The following PPP1R14C variants were observed in gnomAD, a reference collection of about 807,000 sequenced individuals.
PPP1R14C encodes the protein protein phosphatase 1 regulatory subunit 14C.
In PPP1R14C, 16 loss-of-function variants were observed where a neutral mutation model predicts 20.4. The observed-to-expected ratio is 0.78, with a 90% confidence interval of 0.53 to 1.19. The LOEUF is 1.19. Ranked by LOEUF, PPP1R14C falls within the 50% of genes most tolerant of loss-of-function variation. The pLI, the probability that PPP1R14C is intolerant of heterozygous loss-of-function variation, is 0.00. For missense variants in PPP1R14C, 211 were observed against 220.1 expected (o/e 0.96, Z 0.26); for synonymous variants, 91 against 91.0 (o/e 1.00, Z 0.00).
intron 1 of PPP1R14C, among the ~76,000 whole-genome samples, chr6:150,167,690 T>C (rs1005642109): frequency 1.3e-5 from 2 of 152,106 alleles, no homozygotes; most frequent in African/African-American, 4.8e-5. Flanking sequence ...TCTTATATAC[T>C]GTATAAGGCA....
At chr6:150,247,043 T>A (rs910491305) in intron 3 of PPP1R14C, among the ~76,000 whole-genome samples, 4 of 152,186 alleles carry the variant, frequency 2.6e-5, no homozygotes, top group Non-Finnish European at 4.4e-5. Context: ...CATATTACTT[T>A]TATAATAGGG....
At chr6:150,184,800 G>A (rs928236945) in intron 1 of PPP1R14C, among the ~76,000 whole-genome samples, 1 of 152,184 alleles carries the variant, frequency 6.6e-6, no homozygotes. Context: ...CTTACACAGG[G>A]CTGGTGCCCA....
chr6:150,173,545 G>A (rs1433180688), intron 1 of PPP1R14C, among the ~76,000 whole-genome samples: 1 of 152,094 alleles, frequency 6.6e-6, no homozygotes, highest in Non-Finnish European at 1.5e-5. Context: ...GCCCTCCTTT[G>A]TAACTTTCCA....
chr6:150,218,025 G>A (rs1286767969), intron 3 of PPP1R14C, among the ~76,000 whole-genome samples: 1 of 152,048 alleles, frequency 6.6e-6, no homozygotes, highest in East Asian at 1.9e-4. Flanking sequence ...AGGCTTGGTG[G>A]CCCACACCTG....
rs143637821 is a variant in PPP1R14C, at chr6:150,205,169, C to G, written c.307-9575C>G. ...TTCCCTGGTGGGTGGGAAAGAGAAA[C>G]CTGCCTGGTGGGTGGGTTCAGGACC... is the stretch of plus-strand genomic sequence containing the variant. On this transcript the variant is annotated intron_variant, in intron 1 of 3. Transcript: ENST00000361131. 2.0e-3 allele frequency among the ~76,000 whole-genome samples: 301 copies of G among 152,138 alleles called. 3 individuals carry two copies. Among genetic ancestry groups the G allele is most frequent in the African/African-American group, 6.6e-3 (276 of 41,512 alleles).
At position 150,159,186 on chromosome 6, in the gene PPP1R14C, A is replaced by G. The variant is rs111442337; in HGVS notation, c.306+15688A>G. The stretch of plus-strand genomic sequence containing the variant: ...TATCATCAGCCATTCCTTTGTTTCA[A>G]GAGTCATGGACCGTATACTGAAGAT... On this transcript the variant is annotated intron_variant, in intron 1 of 3. Coordinates refer to ENST00000361131, the MANE Select transcript of PPP1R14C (RefSeq NM_030949.3). Among the ~76,000 whole-genome samples the G allele has an allele frequency of 2.4e-3, 366 of 152,306 alleles. 2 individuals are homozygous for G. Among genetic ancestry groups the G allele is most frequent in the African/African-American group, 8.2e-3 (342 of 41,560 alleles).
chr6:150,168,136 A>C, intron 1 of PPP1R14C, among the ~76,000 whole-genome samples: 5 of 112,504 alleles, frequency 4.4e-5, no homozygotes, highest in East Asian at 2.6e-4. Context: ...TCTCCCTAAC[A>C]CAATACAGCG....
At chr6:150,206,036 G>A (rs923525346) in intron 1 of PPP1R14C, among the ~76,000 whole-genome samples, 1 of 152,060 alleles carries the variant, frequency 6.6e-6, no homozygotes, top group Non-Finnish European at 1.5e-5. Flanking sequence ...GGGCCTCTGA[G>A]TCTCCACATG....
chr6:150,243,174 C>CTTT (rs574248701), intron 3 of PPP1R14C, among the ~76,000 whole-genome samples: 41 of 129,294 alleles, frequency 3.2e-4, no homozygotes, highest in African/African-American at 9.3e-4. Context: ...TCTAAAATTC[C>CTTT]TTTTTTTTTT....
intron 1 of PPP1R14C, among the ~76,000 whole-genome samples, chr6:150,163,978 A>G (rs1777398611): frequency 2.0e-5 from 3 of 152,190 alleles, no homozygotes; most frequent in Admixed American, 6.5e-5. Flanking sequence ...TAATTGCACC[A>G]ATCTACATGC....
At position 150,169,024 on chromosome 6, in the gene PPP1R14C, G is replaced by A. The variant is rs139958588; in HGVS notation, c.306+25526G>A. Among the ~76,000 whole-genome samples the A allele has an allele frequency of 5.0e-3, 762 of 152,202 alleles. 5 individuals are homozygous for A. Among genetic ancestry groups the A allele is most frequent in the African/African-American group, 0.018 (729 of 41,522 alleles). Reference sequence around the variant, plus strand: ...CCCAAGTAGCTGGGACTATCGGCACGCGCCACCACACCCAGCTAATTTTTT... The same window carrying A: ...CCCAAGTAGCTGGGACTATCGGCACACGCCACCACACCCAGCTAATTTTTT... On this transcript the variant is annotated intron_variant, in intron 1 of 3. Coordinates refer to ENST00000361131, the MANE Select transcript of PPP1R14C (RefSeq NM_030949.3).
At chr6:150,248,614 G>T in intron 3 of PPP1R14C, 132 bp from the exon 4 acceptor site, 1 of 587,776 alleles carries the variant, frequency 1.7e-6, no homozygotes. Flanking sequence ...TATTATACCA[G>T]TGGGGGTTAA....
chr6:150,216,837 A>G lies in PPP1R14C; in HGVS notation c.404A>G (p.Asp135Gly). ...GTTTAATTCTAGGAAGCTCTTGTAG[A>G]CTGCTACAAACCAACAGAGGTAAGC... is the stretch of plus-strand genomic sequence containing the variant. ...RASKLQEALV[D>G]CYKPTEEFIK... The change falls in exon 3 of 4, where the codon GAC becomes GGC. Residue 135 changes from aspartate to glycine, a missense_variant. Transcript: ENST00000361131. 3 of 1,603,274 alleles carry G rather than the reference A, an allele frequency of 1.9e-6. No homozygotes were observed. In the South Asian group the frequency reaches 3.4e-5, roughly 18 times the overall value.
intron 1 of PPP1R14C, among the ~76,000 whole-genome samples, chr6:150,199,907 C>A (rs1216635617): frequency 1.1e-4 from 16 of 151,970 alleles, no homozygotes; most frequent in Admixed American, 9.2e-4. Flanking sequence ...CATTACCCAG[C>A]CTTTTGTATT....
At chr6:150,183,514 A>G (rs1199062920) in intron 1 of PPP1R14C, among the ~76,000 whole-genome samples, 1 of 151,798 alleles carries the variant, frequency 6.6e-6, no homozygotes, top group Non-Finnish European at 1.5e-5. Context: ...AAACTGGGAC[A>G]TTTCTTTTTT....
At chr6:150,153,286 GCT>G (rs1777270738) in intron 1 of PPP1R14C, among the ~76,000 whole-genome samples, 4 of 152,230 alleles carry the variant, frequency 2.6e-5, no homozygotes, top group Non-Finnish European at 4.4e-5. Context: ...TTGAAAACCT[GCT>G]CTTTCACTGT....
intron 1 of PPP1R14C, among the ~76,000 whole-genome samples, chr6:150,199,953 G>A (rs762445576): frequency 3.3e-5 from 5 of 151,926 alleles, no homozygotes; most frequent in Non-Finnish European, 7.4e-5. Flanking sequence ...AGTCAGATAC[G>A]CTCTGGAAAT....
intron 1 of PPP1R14C, among the ~76,000 whole-genome samples, chr6:150,180,182 A>G (rs1317245339): frequency 6.6e-6 from 1 of 152,246 alleles, no homozygotes; most frequent in Non-Finnish European, 1.5e-5. Context: ...AGCCTGGGTG[A>G]CAGAGTGAGA....
chr6:150,166,499 T>A (rs1289378161), intron 1 of PPP1R14C, among the ~76,000 whole-genome samples: 2 of 152,146 alleles, frequency 1.3e-5, no homozygotes, highest in Admixed American at 6.5e-5. Context: ...GGTCTCTTTG[T>A]TCCTCCTTTC....
Sources: allele counts gnomAD v4.1 joint callset (sites outside exome capture counted in the v4.1 genomes callset), GRCh38; gene constraint gnomAD v4.1.1; transcripts MANE v1.5; gene names NCBI Gene and HGNC (gene_info 2026-07-23, HGNC 2026-07-21).